HEXB: variants seen among roughly 807,000 people sequenced by gnomAD.
The protein encoded by HEXB is beta-hexosaminidase subunit beta.
A neutral mutation model predicts 71.2 loss-of-function variants in HEXB; 51 were observed. The observed-to-expected ratio is 0.72, with a 90% CI of 0.57 to 0.90. HEXB has a LOEUF of 0.90. Among genes scored for constraint, HEXB ranks in the 40% least tolerant of loss-of-function variants. The pLI is 0.00. For missense variants in HEXB, 617 were observed against 677.0 expected (o/e 0.91, Z 0.98); for synonymous variants, 266 against 249.3 (o/e 1.07, Z -0.63).
chr5:74,663,292 A>G (rs1266296003), intron 1 of HEXB, among the ~76,000 whole-genome samples: 1 of 152,034 alleles, frequency 6.6e-6, no homozygotes. Flanking sequence ...CCAAGCTCAA[A>G]TGATTCTCCT....
At chr5:74,681,449 G>C (rs1433662222), upstream of HEXB, among the ~76,000 whole-genome samples, 1 of 152,150 alleles carries the variant, frequency 6.6e-6, no homozygotes, top group Non-Finnish European at 1.5e-5. Context: ...CCCAAGCTGG[G>C]TGTATTGGTA....
chr5:74,688,897 T>A (rs555286144), intron 1 of HEXB, among the ~76,000 whole-genome samples: 76 of 152,334 alleles, frequency 5.0e-4, no homozygotes, highest in African/African-American at 1.8e-3. Flanking sequence ...TTTAGTGTAG[T>A]GGCAACTAGT....
At chr5:74,676,154 T>G (rs1415727060) in intron 1 of HEXB, among the ~76,000 whole-genome samples, 1 of 152,232 alleles carries the variant, frequency 6.6e-6, no homozygotes, top group Admixed American at 6.5e-5. Flanking sequence ...GTCAATCAAG[T>G]CTTTAATTTC....
intron 1 of HEXB, among the ~76,000 whole-genome samples, chr5:74,650,506 G>A (rs1407295163): frequency 1.3e-5 from 2 of 152,272 alleles, no homozygotes; most frequent in South Asian, 2.1e-4. Context: ...GGCCCCCTCC[G>A]CAGATTGGGC....
intron 8 of HEXB, among the ~76,000 whole-genome samples, chr5:74,715,978 CTGT>C (rs1365890454): frequency 3.8e-5 from 5 of 133,036 alleles, no homozygotes; most frequent in Non-Finnish European, 6.2e-5. Flanking sequence ...GATCATGCCA[CTGT>C]ACTCCAGACT....
intron 1 of HEXB, among the ~76,000 whole-genome samples, chr5:74,664,248 C>A (rs1580366006): frequency 7.7e-6 from 1 of 129,424 alleles, no homozygotes; most frequent in African/African-American, 3.3e-5. Flanking sequence ...AAGAGTGAAA[C>A]TCCATCTCAA....
chr5:74,668,173 C>A (rs879906527), intron 1 of HEXB, among the ~76,000 whole-genome samples: 1 of 151,850 alleles, frequency 6.6e-6, no homozygotes, highest in Admixed American at 6.6e-5. Flanking sequence ...TGCAGCCATA[C>A]GCCTCTTCCA....
chr5:74,658,940 C>T (rs544501034), intron 1 of HEXB, among the ~76,000 whole-genome samples: 2 of 152,236 alleles, frequency 1.3e-5, no homozygotes, highest in Admixed American at 6.5e-5. Context: ...GTCCTTGAGC[C>T]TCACAGTTTG....
intron 1 of HEXB, among the ~76,000 whole-genome samples, chr5:74,667,509 G>A (rs1046283979): frequency 6.6e-6 from 1 of 152,174 alleles, no homozygotes; most frequent in African/African-American, 2.4e-5. Flanking sequence ...TTGCCTGAGA[G>A]CTTCACTCCA....
chr5:74,680,480 C>G (rs1343595773), upstream of HEXB, among the ~76,000 whole-genome samples: 1 of 152,208 alleles, frequency 6.6e-6, no homozygotes, highest in East Asian at 1.9e-4. Flanking sequence ...CTAGGAATCT[C>G]ACCCACACCT....
At chr5:74,653,024 A>G (rs187915743) in intron 1 of HEXB, among the ~76,000 whole-genome samples, 54 of 152,340 alleles carry the variant, frequency 3.5e-4, no homozygotes, top group African/African-American at 1.3e-3. Flanking sequence ...ACTGTAATGT[A>G]AAGGAGGACC....
At chr5:74,706,460 A>G (rs924560497) in intron 6 of HEXB, among the ~76,000 whole-genome samples, 1 of 152,214 alleles carries the variant, frequency 6.6e-6, no homozygotes, top group Non-Finnish European at 1.5e-5. Flanking sequence ...CAGTGGGTGC[A>G]GCGCATCATG....
intron 3 of HEXB, among the ~76,000 whole-genome samples, chr5:74,695,753 A>C (rs1749098807): frequency 6.6e-6 from 1 of 150,568 alleles, no homozygotes; most frequent in African/African-American, 2.4e-5. Context: ...AGGCAGGAGA[A>C]GTACTTGAAC....
chr5:74,699,959 TATTA>T (rs1257860648), intron 5 of HEXB, among the ~76,000 whole-genome samples: 7 of 149,148 alleles, frequency 4.7e-5, no homozygotes, highest in African/African-American at 1.2e-4. Flanking sequence ...TTTTTTTACA[TATTA>T]ATTATTTGTA....
chr5:74,720,338 G>A (rs1749796373), intron 11 of HEXB, 90 bp from the exon 12 acceptor site: 2 of 988,228 alleles, frequency 2.0e-6, no homozygotes, highest in Admixed American at 3.4e-5. Flanking sequence ...GTTGCCCTAG[G>A]ATAAAGATGG....
chr5:74,719,144 GTTTT>G lies in HEXB; in HGVS notation c.1417+177_1417+180del, dbSNP rs904935154. 5.9e-5 allele frequency among the ~76,000 whole-genome samples: 9 copies of G among 152,068 alleles called. No individual in the cohort carries two copies. The East Asian group carries it at 1.7e-3, about 29-fold the overall frequency. Reference sequence around the variant, plus strand: ...TTATGTTTGATCCTTGATTTTATGTGTTTTTTTAAGTTCAGTATCATTTTAAACT... The same window carrying G: ...TTATGTTTGATCCTTGATTTTATGTGTTTAAGTTCAGTATCATTTTAAACT... On this transcript the variant is annotated intron_variant, in intron 11 of 13. Coordinates refer to ENST00000261416, the MANE Select transcript of HEXB (RefSeq NM_000521.4).
intron 9 of HEXB, among the ~76,000 whole-genome samples, chr5:74,717,313 A>G (rs1238239799): frequency 6.6e-6 from 1 of 152,110 alleles, no homozygotes; most frequent in African/African-American, 2.4e-5. Flanking sequence ...ATATTTTACT[A>G]TATACCTGTG....
chr5:74,685,613 C>T (rs1580377541), intron 1 of HEXB, 54 bp downstream of exon 1: 6 of 1,478,600 alleles, frequency 4.1e-6, no homozygotes, highest in Non-Finnish European at 5.4e-6. Context: ...AGAGGCGGAC[C>T]ACCCCGGAGC....
chr5:74,711,800 A>G (rs1749548928), intron 6 of HEXB, among the ~76,000 whole-genome samples: 1 of 152,034 alleles, frequency 6.6e-6, no homozygotes, highest in Non-Finnish European at 1.5e-5. Context: ...GCTGGAGAGG[A>G]TGTGGAGAAA....
Sources: gnomAD v4.1 joint callset for allele counts (sites outside exome capture counted in the v4.1 genomes callset) on GRCh38, gnomAD v4.1.1 for gene constraint, MANE v1.5 for transcripts, NCBI Gene and HGNC (gene_info 2026-07-23, HGNC 2026-07-21) for gene names.